Variants in DCBLD1 observed in about 807,000 individuals in gnomAD.
The protein encoded by DCBLD1 is discoidin, CUB and LCCL domain-containing protein 1.
Under a neutral mutation model 71.5 loss-of-function variants are expected in DCBLD1, and 57 were observed. The observed-to-expected ratio is 0.80, with a 90% CI of 0.64 to 0.99. The LOEUF (loss-of-function observed/expected upper bound fraction) is 0.99, where lower values mean the gene tolerates loss of function less well. Among genes scored for constraint, DCBLD1 ranks in the 50% least tolerant of loss-of-function variants. The pLI is 0.00. For missense variants in DCBLD1, 891 were observed against 923.5 expected (o/e 0.96, Z 0.46); for synonymous variants, 380 against 363.8 (o/e 1.04, Z -0.51).
At chr6:117,537,638 C>CTTTTTTT (rs1249795592) in intron 7 of DCBLD1, among the ~76,000 whole-genome samples, 2 of 58,316 alleles carry the variant, frequency 3.4e-5, no homozygotes, top group East Asian at 5.2e-4. Context: ...TTTTTTTTTC[C>CTTTTTTT]TTTTTTCTCA....
intron 14 of DCBLD1, chr6:117,561,914 TG>T (rs1197497996): frequency 9.6e-6 from 2 of 207,390 alleles, no homozygotes; most frequent in Non-Finnish European, 2.0e-5. Flanking sequence ...CCAAAAAAAA[TG>T]TGTTTTATCA....
intron 1 of DCBLD1, among the ~76,000 whole-genome samples, chr6:117,495,614 G>T (rs1236180457): frequency 1.3e-5 from 2 of 152,126 alleles, no homozygotes; most frequent in Non-Finnish European, 2.9e-5. Context: ...TAACCATTAT[G>T]CTCTGTCACC....
intron 11 of DCBLD1, 98 bp from the exon 12 acceptor site, chr6:117,543,026 A>G (rs1339256195): frequency 1.0e-6 from 1 of 988,494 alleles, no homozygotes; most frequent in Non-Finnish European, 1.6e-6. Flanking sequence ...CCTATATTAA[A>G]TGCTTAAAGA....
downstream of DCBLD1, among the ~76,000 whole-genome samples, chr6:117,554,233 G>T (rs990589361): frequency 6.6e-6 from 1 of 152,132 alleles, no homozygotes; most frequent in Non-Finnish European, 1.5e-5. Context: ...CAATATTTAT[G>T]TGTACATTTA....
At chr6:117,557,701 T>C (rs552550373) in intron 14 of DCBLD1, among the ~76,000 whole-genome samples, 6 of 152,142 alleles carry the variant, frequency 3.9e-5, no homozygotes, top group Non-Finnish European at 8.8e-5. Context: ...GAGATGGAAG[T>C]TGCAGTGAGC....
intron 5 of DCBLD1, among the ~76,000 whole-genome samples, chr6:117,528,260 G>T (rs1051795326): frequency 7.2e-5 from 11 of 152,028 alleles, no homozygotes; most frequent in African/African-American, 2.4e-4. Flanking sequence ...TGCACATTTT[G>T]TGAAGAAAAC....
chr6:117,527,786 A>G (rs1778590323), intron 5 of DCBLD1, among the ~76,000 whole-genome samples: 1 of 152,086 alleles, frequency 6.6e-6, no homozygotes, highest in Non-Finnish European at 1.5e-5. Context: ...GTGGTCTGTC[A>G]GGAGGTGTGA....
intron 12 of DCBLD1, 85 bp downstream of exon 12, chr6:117,543,296 T>C (rs1302595033): frequency 3.5e-6 from 4 of 1,133,576 alleles, no homozygotes; most frequent in Admixed American, 1.7e-5. Context: ...GAAATGCATA[T>C]GTACAAAAGC....
Position 117,482,904 on chromosome 6 carries a change from C to G in DCBLD1, c.112+11C>G. The G allele has an allele frequency of 8.4e-7, 1 of 1,190,868 alleles. No individual in the cohort carries two copies. The highest frequency in any genetic ancestry group is 1.0e-6 in the Non-Finnish European group (1 of 959,548). The allele number at this position is 1,190,868 out of a possible 1,614,324, so 73.8% of individuals were successfully genotyped here. ...AGGCGGAGGAGCTGGGTGAGTGGAGCGCGTCCGGCTGGCGGCGGGACCCGA... is the reference window on the plus strand; with the variant it reads ...AGGCGGAGGAGCTGGGTGAGTGGAGGGCGTCCGGCTGGCGGCGGGACCCGA... On this transcript the variant is annotated intron_variant, in intron 1 of 14. Coordinates refer to ENST00000338728, the MANE Select transcript of DCBLD1 (RefSeq NM_001366458.2).
In DCBLD1 at chr6:117,548,694, C is replaced by G. The variant is rs1157221804; in HGVS notation, c.*255C>G. On this transcript the variant is annotated 3_prime_UTR_variant, in exon 15 of 15. Coordinates refer to ENST00000338728, the MANE Select transcript of DCBLD1 (RefSeq NM_001366458.2). Reference sequence around the variant, plus strand: ...TAGAAAAATGAAAATTTTCAGATGGCGTTTTCATTCCTCTGACTGATATTG... The same window carrying G: ...TAGAAAAATGAAAATTTTCAGATGGGGTTTTCATTCCTCTGACTGATATTG... The G allele has an allele frequency of 7.2e-7, 1 of 1,388,802 alleles. No homozygotes were observed. Among genetic ancestry groups the G allele is most frequent in the African/African-American group, 1.5e-5 (1 of 68,436 alleles). The allele number at this position is 1,388,802 out of a possible 1,614,324, so 86.0% of individuals were successfully genotyped here.
chr6:117,505,143 T>C (rs1025324591), intron 2 of DCBLD1, among the ~76,000 whole-genome samples: 5 of 152,228 alleles, frequency 3.3e-5, no homozygotes, highest in African/African-American at 1.2e-4. Context: ...TAATGATGGT[T>C]GAGTTCCTCC....
At position 117,549,148 on chromosome 6, in the gene DCBLD1, C is replaced by T. The variant is rs1779377022; in HGVS notation, c.*709C>T. ...ACTTCAGAGGGGGATGCGAAGAGGTCGGCCCAGCTCCGGTGACCATGAAGG... is the reference window on the plus strand; with the variant it reads ...ACTTCAGAGGGGGATGCGAAGAGGTTGGCCCAGCTCCGGTGACCATGAAGG... On this transcript the variant is annotated 3_prime_UTR_variant, in exon 15 of 15. Transcript: ENST00000338728. 1.0e-6 allele frequency: 1 copy of T among 985,460 alleles called. No homozygotes were observed. Among genetic ancestry groups the T allele is most frequent in the Non-Finnish European group, 1.2e-6 (1 of 829,992 alleles). The allele number at this position is 985,460 out of a possible 1,614,324, so 61.0% of individuals were successfully genotyped here.
At chr6:117,483,643 A>G (rs1271577010) in intron 1 of DCBLD1, among the ~76,000 whole-genome samples, 2 of 151,816 alleles carry the variant, frequency 1.3e-5, no homozygotes, top group Admixed American at 1.3e-4. Flanking sequence ...ATATTAAAGC[A>G]GCAACCCCCT....
Position 117,549,108 on chromosome 6 carries a change from G to A in DCBLD1, c.*669G>A, listed in dbSNP as rs946013601. ...AGAAACAACACCTCAGCAGCTGCCC[G>A]TTTCCTTAGTCTCCACTTCAGAGGG... is the stretch of plus-strand genomic sequence containing the variant. On this transcript the variant is annotated 3_prime_UTR_variant, in exon 15 of 15. Transcript: ENST00000338728. The A allele has an allele frequency of 1.2e-5, 12 of 985,718 alleles. No homozygotes were observed. Among genetic ancestry groups the A allele is most frequent in the Non-Finnish European group, 1.1e-5 (9 of 830,294 alleles). 61.1% of individuals were successfully genotyped at this position (985,718 alleles called of 1,614,324 possible).
intron 1 of DCBLD1, 76 bp downstream of exon 1, chr6:117,482,969 CCGGGCCGAGGGCTACGGGG>C: frequency 3.3e-6 from 2 of 603,598 alleles, no homozygotes; most frequent in Non-Finnish European, 2.0e-6. Flanking sequence ...GCGGGCCGGG[CCGGGCCGAGGGCTACGGGG>C]CGGGCCGGGC....
intron 1 of DCBLD1, among the ~76,000 whole-genome samples, chr6:117,500,605 G>A (rs564062672): frequency 6.6e-5 from 10 of 152,182 alleles, no homozygotes; most frequent in Non-Finnish European, 1.3e-4. Flanking sequence ...GGTGGCTCAC[G>A]CCTGTAATCC....
intron 11 of DCBLD1, 110 bp downstream of exon 11, chr6:117,541,135 G>T (rs947635486): frequency 3.3e-6 from 3 of 912,126 alleles, no homozygotes; most frequent in Non-Finnish European, 5.1e-6. Flanking sequence ...ATTGGAGGTG[G>T]ATGATCCAGT....
chr6:117,519,663 C>T (rs1169880452), intron 2 of DCBLD1, among the ~76,000 whole-genome samples, 153 bp from the exon 3 acceptor site: 1 of 152,188 alleles, frequency 6.6e-6, no homozygotes. Context: ...AATTATCAGT[C>T]TGAGCGTCAA....
chr6:117,514,403 G>A (rs114627215), intron 2 of DCBLD1, among the ~76,000 whole-genome samples: 2,955 of 152,124 alleles, frequency 0.019, 102 homozygotes, highest in African/African-American at 0.066. Context: ...CCAGGAGCTT[G>A]AGACCAACCT....
Sources: gnomAD v4.1 joint callset for allele counts (sites outside exome capture counted in the v4.1 genomes callset) on GRCh38, gnomAD v4.1.1 for gene constraint, MANE v1.5 for transcripts, NCBI Gene and HGNC (gene_info 2026-07-23, HGNC 2026-07-21) for gene names.